CPNE5: variants seen among roughly 807,000 people sequenced by gnomAD.
CPNE5 encodes the protein copine 5, also known as copine-5.
CPNE5 carries 42 observed loss-of-function variants against 81.1 expected under a neutral mutation model. The ratio of observed to expected loss-of-function variants is 0.52; its 90% CI spans 0.40 to 0.67. The LOEUF (loss-of-function observed/expected upper bound fraction) is 0.67, where lower values mean the gene tolerates loss of function less well. Among genes scored for constraint, CPNE5 ranks in the 30% least tolerant of loss-of-function variants. CPNE5 has a pLI of 0.00. For synonymous variants in CPNE5, 313 were observed against 321.5 expected (o/e 0.97, Z 0.28); for missense variants, 612 against 815.5 (o/e 0.75, Z 3.04).
intron 8 of CPNE5, among the ~76,000 whole-genome samples, chr6:36,780,799 T>A (rs1331505382): frequency 6.6e-6 from 1 of 152,198 alleles, no homozygotes; most frequent in Non-Finnish European, 1.5e-5. Context: ...GGACAGTCAC[T>A]GAGCTCAGCA....
intron 4 of CPNE5, 78 bp from the exon 5 acceptor site, chr6:36,798,572 A>G (rs970767423): frequency 3.7e-6 from 5 of 1,348,592 alleles, no homozygotes; most frequent in Non-Finnish European, 4.2e-6. Context: ...AAGTTGAGTC[A>G]GGGCCCCTGT....
chr6:36,771,086 T>TC lies in CPNE5; in HGVS notation c.737+3874dup. The stretch of plus-strand genomic sequence containing the variant: ...TCCTTCTTGCTGTTCCCCTCTCCTC[T>TC]CCCCTCTGAATTATTTGGTATTAAA... On this transcript the variant is annotated intron_variant, in intron 10 of 20. Coordinates refer to ENST00000244751, the MANE Select transcript of CPNE5 (RefSeq NM_020939.2). Among the ~76,000 whole-genome samples, 4 of 151,996 alleles carry TC rather than the reference T, an allele frequency of 2.6e-5. No individual in the cohort carries two copies. In the Middle Eastern group the frequency reaches 0.014, roughly 517 times the overall value.
intron 4 of CPNE5, among the ~76,000 whole-genome samples, chr6:36,799,502 T>G (rs1269647742): frequency 6.6e-6 from 1 of 152,158 alleles, no homozygotes. Context: ...AAAGGCACTC[T>G]CATGTTCCGA....
At chr6:36,744,748 G>C (rs1763941118) in intron 18 of CPNE5, among the ~76,000 whole-genome samples, 1 of 152,218 alleles carries the variant, frequency 6.6e-6, no homozygotes, top group African/African-American at 2.4e-5. Flanking sequence ...TTGGGGTCTG[G>C]AGGGAGTAGA....
chr6:36,808,686 G>A (rs1221142168), intron 3 of CPNE5, among the ~76,000 whole-genome samples: 3 of 152,136 alleles, frequency 2.0e-5, no homozygotes, highest in Non-Finnish European at 2.9e-5. Flanking sequence ...GGACATGCAG[G>A]GAGTGTCTGT....
At chr6:36,819,969 G>A (rs1771899245) in intron 3 of CPNE5, among the ~76,000 whole-genome samples, 1 of 152,190 alleles carries the variant, frequency 6.6e-6, no homozygotes, top group Non-Finnish European at 1.5e-5. Flanking sequence ...AGCCATAAAG[G>A]CCCCTGCAAG....
intron 14 of CPNE5, among the ~76,000 whole-genome samples, chr6:36,749,661 TAAA>T (rs71540165): frequency 6.5e-5 from 9 of 139,474 alleles, no homozygotes; most frequent in Admixed American, 2.1e-4. Context: ...ACCTCAAAAA[TAAA>T]AAAAAAAAAC....
intron 1 of CPNE5, 36 bp from the exon 2 acceptor site, chr6:36,823,134 C>T (rs758551545): frequency 1.1e-5 from 17 of 1,515,882 alleles, no homozygotes; most frequent in Non-Finnish European, 1.4e-5. Flanking sequence ...TTAGCACGGC[C>T]AGCTGAGAGG....
chr6:36,760,452 G>A (rs1765915122), intron 12 of CPNE5, among the ~76,000 whole-genome samples: 1 of 152,154 alleles, frequency 6.6e-6, no homozygotes, highest in African/African-American at 2.4e-5. Context: ...CTATTTTGGT[G>A]GAGTACGCTG....
rs768926283 is a variant in CPNE5 at position 36,792,102 on chromosome 6, AGAG to A, written c.465-9_465-7del. On this transcript the variant is annotated splice_region_variant and splice_polypyrimidine_tract_variant and intron_variant, in intron 7 of 20. Coordinates refer to ENST00000244751, the MANE Select transcript of CPNE5 (RefSeq NM_020939.2). ...ATTTCTTTCCTGGGACACCACTGGG[AGAG>A]GAGAAGATGAAAGAATGGAAAGCCA... The A allele has an allele frequency of 5.9e-5, 95 of 1,613,312 alleles. No homozygotes were observed. The highest frequency in any genetic ancestry group is 3.3e-4 in the Middle Eastern group (2 of 6,062).
chr6:36,804,892 C>A (rs1397454233), intron 3 of CPNE5, among the ~76,000 whole-genome samples: 2 of 152,202 alleles, frequency 1.3e-5, no homozygotes, highest in African/African-American at 2.4e-5. Context: ...TGGACAGTGA[C>A]AGATTACTAA....
chr6:36,797,145 G>A (rs1346747043), intron 6 of CPNE5, among the ~76,000 whole-genome samples: 1 of 152,200 alleles, frequency 6.6e-6, no homozygotes, highest in Non-Finnish European at 1.5e-5. Flanking sequence ...GAGCTCAGGC[G>A]ATCCATCGCC....
intron 7 of CPNE5, among the ~76,000 whole-genome samples, chr6:36,793,370 A>T (rs1769270946): frequency 6.6e-6 from 1 of 152,152 alleles, no homozygotes; most frequent in South Asian, 2.1e-4. Flanking sequence ...TTGTCCCCCT[A>T]GACTTGGGCA....
At chr6:36,815,157 C>CA (rs752626370) in intron 3 of CPNE5, among the ~76,000 whole-genome samples, 6,746 of 112,956 alleles carry the variant, frequency 0.06, 433 homozygotes, top group African/African-American at 0.18. Flanking sequence ...GACTCTGTCT[C>CA]AAAAAAAAAA....
intron 8 of CPNE5, among the ~76,000 whole-genome samples, chr6:36,788,490 C>G (rs1295895856): frequency 6.6e-6 from 1 of 152,058 alleles, no homozygotes; most frequent in African/African-American, 2.4e-5. Flanking sequence ...GCTAGAATCC[C>G]AGCAATCTTA....
At chr6:36,804,924 T>G (rs1770449960) in intron 3 of CPNE5, among the ~76,000 whole-genome samples, 1 of 152,182 alleles carries the variant, frequency 6.6e-6, no homozygotes, top group African/African-American at 2.4e-5. Flanking sequence ...AGTTAAGACG[T>G]GCAGATCACA....
intron 1 of CPNE5, among the ~76,000 whole-genome samples, chr6:36,828,450 C>T (rs200805930): frequency 1.5e-4 from 1 of 6,684 alleles, no homozygotes; most frequent in African/African-American, 9.1e-4. Flanking sequence ...GCCAGAAAGG[C>T]ATATTTGCTC....
intron 14 of CPNE5, among the ~76,000 whole-genome samples, chr6:36,750,531 C>T (rs147100024): frequency 6.6e-6 from 1 of 152,296 alleles, no homozygotes; most frequent in Non-Finnish European, 1.5e-5. Flanking sequence ...TGAATGACTG[C>T]GTGGATCATC....
chr6:36,821,223 G>T (rs1772019364), intron 3 of CPNE5, among the ~76,000 whole-genome samples: 1 of 151,848 alleles, frequency 6.6e-6, no homozygotes, highest in Non-Finnish European at 1.5e-5. Context: ...AAAAGGCCTG[G>T]AGGCGGGGGC....
Sources: allele counts gnomAD v4.1 joint callset (sites outside exome capture counted in the v4.1 genomes callset), GRCh38; gene constraint gnomAD v4.1.1; transcripts MANE v1.5; gene names NCBI Gene and HGNC (gene_info 2026-07-23, HGNC 2026-07-21).